Variants in FRRS1 observed in about 807,000 individuals in gnomAD.
The protein encoded by FRRS1 is ferric chelate reductase 1, also known as ferric reductase 1.
Under a neutral mutation model 70.7 loss-of-function variants are expected in FRRS1, and 51 were observed. That is an observed-to-expected ratio of 0.72 (90% CI 0.58 to 0.91). The LOEUF (loss-of-function observed/expected upper bound fraction) is 0.91. Ranked by LOEUF, FRRS1 falls within the 40% of genes least tolerant of loss-of-function variation. The pLI, the probability that FRRS1 is intolerant of heterozygous loss-of-function variation, is 0.00. For synonymous variants in FRRS1, 225 were observed against 238.7 expected (o/e 0.94, Z 0.53); for missense variants, 672 against 726.0 (o/e 0.93, Z 0.86).
rs2039725 is a variant in FRRS1 at position 99,715,916 on chromosome 1, T to C, written c.1237-244A>G. On this transcript the variant is annotated intron_variant, in intron 11 of 16. Transcript: ENST00000646001. ...TCAAAAGTGTTTGCCAAGACTTCACTTGCACAGAGCAGCAGGAATGGATAT... is the reference window on the plus strand; with the variant it reads ...TCAAAAGTGTTTGCCAAGACTTCACCTGCACAGAGCAGCAGGAATGGATAT... Among the ~76,000 whole-genome samples, 73,403 of 152,106 alleles carry C rather than the reference T, an allele frequency of 0.48. 21,715 individuals carry two copies. The highest frequency in any genetic ancestry group is 0.84 in the African/African-American group (34,976 of 41,496).
rs536067161 is a variant in FRRS1 at position 99,718,612 on chromosome 1, A to G, written c.1120+922T>C. ...CCACAGTGCTGGGATTACAGGCATGAGCCACCGCGTACGGCCTAGAGCCTT... is the reference window on the plus strand; with the variant it reads ...CCACAGTGCTGGGATTACAGGCATGGGCCACCGCGTACGGCCTAGAGCCTT... On this transcript the variant is annotated intron_variant, in intron 10 of 16. Transcript: ENST00000646001. Among the ~76,000 whole-genome samples the G allele has an allele frequency of 4.6e-5, 7 of 152,194 alleles. No individual in the cohort carries two copies. In the South Asian group the frequency reaches 1.5e-3, roughly 32 times the overall value.
intron 9 of FRRS1, among the ~76,000 whole-genome samples, chr1:99,721,062 T>C (rs1477250008): frequency 6.6e-6 from 1 of 152,006 alleles, no homozygotes; most frequent in African/African-American, 2.4e-5. Context: ...GATCACACAA[T>C]GAAAGGAAAC....
intron 1 of FRRS1, among the ~76,000 whole-genome samples, chr1:99,753,549 C>T (rs1004583329): frequency 1.6e-4 from 25 of 151,950 alleles, no homozygotes; most frequent in African/African-American, 2.2e-4. Context: ...GGGTGGATCA[C>T]GAGGTCAAGA....
intron 12 of FRRS1, among the ~76,000 whole-genome samples, chr1:99,714,459 G>A (rs958664900): frequency 3.9e-5 from 6 of 152,062 alleles, no homozygotes; most frequent in Admixed American, 1.3e-4. Flanking sequence ...TGGGATTACA[G>A]GTGTGAGCCA....
At chr1:99,763,230 T>G (rs890918532) in intron 1 of FRRS1, among the ~76,000 whole-genome samples, 1 of 152,116 alleles carries the variant, frequency 6.6e-6, no homozygotes, top group Non-Finnish European at 1.5e-5. Context: ...TCTCCTGAAG[T>G]TTTGCCTTCT....
intron 1 of FRRS1, among the ~76,000 whole-genome samples, chr1:99,764,915 A>C (rs915930352): frequency 6.6e-6 from 1 of 152,146 alleles, no homozygotes; most frequent in African/African-American, 2.4e-5. Flanking sequence ...CATAAGCTTT[A>C]GTTTTTCCTA....
intron 7 of FRRS1, among the ~76,000 whole-genome samples, chr1:99,732,132 G>T (rs1655420531): frequency 6.6e-6 from 1 of 152,212 alleles, no homozygotes; most frequent in Admixed American, 6.5e-5. Context: ...CCAAATATTA[G>T]AGAAGATGAT....
chr1:99,735,015 A>G lies in FRRS1; in HGVS notation c.759+3071T>C, dbSNP rs550075263. On this transcript the variant is annotated intron_variant, in intron 7 of 16. Coordinates refer to ENST00000646001, the MANE Select transcript of FRRS1 (RefSeq NM_001361041.2). Reference sequence around the variant, plus strand: ...GCGCATACTTGATAGACTTTACATTATTTAACAAAATATCTCAAATAGGAA... The same window carrying G: ...GCGCATACTTGATAGACTTTACATTGTTTAACAAAATATCTCAAATAGGAA... Among the ~76,000 whole-genome samples the G allele has an allele frequency of 1.7e-4, 26 of 152,344 alleles. No individual in the cohort carries two copies. The South Asian group carries it at 5.4e-3, about 32-fold the overall frequency.
chr1:99,729,558 G>T, intron 8 of FRRS1, 92 bp downstream of exon 8: 1 of 759,156 alleles, frequency 1.3e-6, no homozygotes, highest in Non-Finnish European at 2.3e-6. Context: ...TGTGGGGGTT[G>T]GAGGCAATCT....
chr1:99,728,505 C>CTAGAAATT lies in FRRS1; in HGVS notation c.993_994insAATTTCTA (p.Ala332AsnfsTer3). On this transcript the variant is annotated frameshift_variant, in exon 9 of 17. Coordinates refer to ENST00000646001, the MANE Select transcript of FRRS1 (RefSeq NM_001361041.2). LOFTEE classifies it high-confidence loss of function. ...ACAATATACTTACCATCATTAGCTG[C>CTAGAAATT]ACCATCTGCTAGAAATATGTAATAG... The CTAGAAATT allele has an allele frequency of 6.2e-7, 1 of 1,611,314 alleles. No homozygotes were observed. The highest frequency in any genetic ancestry group is 8.5e-7 in the Non-Finnish European group (1 of 1,177,790).
intron 7 of FRRS1, 116 bp from the exon 8 acceptor site, chr1:99,729,864 T>A: frequency 1.5e-6 from 1 of 655,138 alleles, no homozygotes; most frequent in Non-Finnish European, 2.7e-6. Flanking sequence ...GAAAACATAA[T>A]TTACTGAATC....
In FRRS1 at chr1:99,719,649, T is replaced by TTAAAA; in HGVS notation, c.1007-3_1007-2insTTTTA. The TTAAAA allele has an allele frequency of 6.7e-7, 1 of 1,501,606 alleles. No individual in the cohort carries two copies. The highest frequency in any genetic ancestry group is 9.2e-7 in the Non-Finnish European group (1 of 1,082,764). The allele number at this position is 1,501,606 out of a possible 1,614,324, so 93.0% of individuals were successfully genotyped here. A position where few individuals can be genotyped will look rare whatever the true frequency, so the allele number is the denominator to read the frequency against. On this transcript the variant is annotated splice_polypyrimidine_tract_variant and splice_region_variant and intron_variant, in intron 9 of 16. Coordinates refer to ENST00000646001, the MANE Select transcript of FRRS1 (RefSeq NM_001361041.2). ...GCTGAGAGTGCTTGTAAATTCGACCTGCAAATTAAAAACAAAATTAAACAT... is the reference window on the plus strand; with the variant it reads ...GCTGAGAGTGCTTGTAAATTCGACCTTAAAAGCAAATTAAAAACAAAATTAAACAT...
At chr1:99,732,175 C>T (rs150501668) in intron 7 of FRRS1, among the ~76,000 whole-genome samples, 1 of 152,208 alleles carries the variant, frequency 6.6e-6, no homozygotes, top group African/African-American at 2.4e-5. Flanking sequence ...TCAGTTCTCA[C>T]TATTCCAAAT....
chr1:99,742,817 T>C (rs1335921711), intron 4 of FRRS1, among the ~76,000 whole-genome samples: 1 of 152,228 alleles, frequency 6.6e-6, no homozygotes, highest in Non-Finnish European at 1.5e-5. Flanking sequence ...CTCTCTGCTA[T>C]GCTTCCCACT....
intron 9 of FRRS1, 45 bp from the exon 10 acceptor site, chr1:99,719,692 T>G (rs1232258893): frequency 9.6e-7 from 1 of 1,041,044 alleles, no homozygotes; most frequent in South Asian, 1.3e-5. Flanking sequence ...AATAATTACT[T>G]CCTCAAATAA....
At chr1:99,762,455 TTTTC>T (rs750895410) in intron 1 of FRRS1, among the ~76,000 whole-genome samples, 13 of 151,742 alleles carry the variant, frequency 8.6e-5, no homozygotes, top group Admixed American at 3.3e-4. Context: ...TTCTCTTGGC[TTTTC>T]TTTCTTTCTT....
chr1:99,738,289 A>C lies in FRRS1; in HGVS notation c.577-21T>G, dbSNP rs368102599. The stretch of plus-strand genomic sequence containing the variant: ...CTGAACTAGAAAAATGACAGAGGAA[A>C]AAAAAATCTTAATTATCAAACAAGC... On this transcript the variant is annotated intron_variant, in intron 6 of 16. Transcript: ENST00000646001. The C allele has an allele frequency of 1.2e-5, 18 of 1,550,496 alleles. No individual in the cohort carries two copies. In the African/African-American group the frequency reaches 2.4e-4, roughly 20 times the overall value.
intron 4 of FRRS1, among the ~76,000 whole-genome samples, chr1:99,742,563 G>A (rs1656025347): frequency 6.6e-6 from 1 of 152,174 alleles, no homozygotes; most frequent in African/African-American, 2.4e-5. Context: ...ATTGTTTCAT[G>A]TACATTATAA....
chr1:99,762,490 T>TTG (rs1376507525), intron 1 of FRRS1, among the ~76,000 whole-genome samples: 1 of 151,364 alleles, frequency 6.6e-6, no homozygotes, highest in East Asian at 1.9e-4. Flanking sequence ...TTTTTTTTTT[T>TTG]TGCCCTGTTT....
Sources: allele counts gnomAD v4.1 joint callset (sites outside exome capture counted in the v4.1 genomes callset), GRCh38; gene constraint gnomAD v4.1.1; transcripts MANE v1.5; gene names NCBI Gene and HGNC (gene_info 2026-07-23, HGNC 2026-07-21).